The following DSCAM variants were observed in gnomAD, a reference collection of about 807,000 sequenced individuals.
DSCAM encodes the protein cell adhesion molecule DSCAM.
DSCAM carries 47 observed loss-of-function variants against 217.7 expected under a neutral mutation model. The observed-to-expected ratio is 0.22, with a 90% CI of 0.17 to 0.28. The LOEUF is 0.28. Ranked by LOEUF, DSCAM falls within the 10% of genes least tolerant of loss-of-function variation. The pLI, the probability that DSCAM is intolerant of heterozygous loss-of-function variation, is 1.00. For missense variants in DSCAM, 2,080 were observed against 2,618.3 expected (o/e 0.79, Z 4.49); for synonymous variants, 1,056 against 1,015.3 (o/e 1.04, Z -0.76).
At chr21:40,133,723 G>T in intron 19 of DSCAM, 131 bp downstream of exon 19, 1 of 1,055,650 alleles carries the variant, frequency 9.5e-7, no homozygotes, top group Non-Finnish European at 1.3e-6. Context: ...AATTGCACTG[G>T]GATATTTTGG....
At chr21:40,502,102 C>A (rs2076174379) in intron 3 of DSCAM, among the ~76,000 whole-genome samples, 1 of 152,118 alleles carries the variant, frequency 6.6e-6, no homozygotes, top group Non-Finnish European at 1.5e-5. Context: ...TTTTCACTAA[C>A]CTCTAACTGA....
Position 40,347,804 on chromosome 21 carries a change from T to G in DSCAM, c.1076A>C (p.Asn359Thr), listed in dbSNP as rs1385787452. 6.2e-7 allele frequency: 1 copy of G among 1,614,180 alleles called. No homozygotes were observed. The highest frequency in any genetic ancestry group is 1.7e-5 in the Admixed American group (1 of 60,034). ...RNGEILNPGK[N>T]VRITGINHEN... The stretch of plus-strand genomic sequence containing the variant: ...GTGGTTGATCCCTGTGATCCTCACA[T>G]TTTTTCCAGGGTTGAGGATTTCACC... Residue 359 changes from asparagine to threonine, a missense_variant, in exon 6 of 33, where the codon AAT becomes ACT. Asn to Thr is a moderately conservative substitution (Grantham distance 65). Around this residue, in one of 5 missense-constraint regions of DSCAM, gnomAD observed 568 missense variants for 678.1 expected, o/e 0.84. Transcript: ENST00000400454.
chr21:40,235,920 A>G (rs910145725), intron 11 of DSCAM, among the ~76,000 whole-genome samples: 2 of 152,174 alleles, frequency 1.3e-5, no homozygotes, highest in East Asian at 1.9e-4. Flanking sequence ...TAATTTTTCT[A>G]TTATTCAAAA....
intron 3 of DSCAM, among the ~76,000 whole-genome samples, chr21:40,434,163 T>C (rs1225328988): frequency 6.6e-6 from 1 of 152,214 alleles, no homozygotes; most frequent in Non-Finnish European, 1.5e-5. Context: ...TACACACACA[T>C]GATCACGTGG....
At chr21:40,182,904 GTTA>G (rs1209945365) in intron 14 of DSCAM, among the ~76,000 whole-genome samples, 14 of 708 alleles carry the variant, frequency 0.02, 7 homozygotes, top group East Asian at 0.071. Context: ...GACGGGGGGG[GTTA>G]CCAGAGAAAC....
At chr21:40,135,175 T>C (rs406398) in intron 18 of DSCAM, among the ~76,000 whole-genome samples, 49,753 of 152,134 alleles carry the variant, frequency 0.33, 9,315 homozygotes, top group South Asian at 0.5. Context: ...GACACATTGG[T>C]ACCCAGAGCA....
rs58085431 is a variant in DSCAM at position 40,185,574 on chromosome 21, G to T, written c.2779+1557C>A. Among the ~76,000 whole-genome samples the T allele has an allele frequency of 7.4e-3, 1,133 of 152,252 alleles. 14 individuals are homozygous for T. Among genetic ancestry groups the T allele is most frequent in the Middle Eastern group, 0.031 (9 of 294 alleles). ...CAGCCTGCAGCCCCATAGCCAGTGC[G>T]CAGCCAGTGAGATAAAGGGCTGTCC... On this transcript the variant is annotated intron_variant, in intron 14 of 32. Transcript: ENST00000400454.
At chr21:40,233,943 C>T (rs2091404040) in intron 11 of DSCAM, among the ~76,000 whole-genome samples, 3 of 152,154 alleles carry the variant, frequency 2.0e-5, no homozygotes, top group Admixed American at 2.0e-4. Flanking sequence ...CTTCCTGCCT[C>T]GCTTTGGCTG....
At position 40,258,959 on chromosome 21, in the gene DSCAM, C is replaced by T. The variant is rs201696742; in HGVS notation, c.2356+17138G>A. On this transcript the variant is annotated intron_variant, in intron 11 of 32. Coordinates refer to ENST00000400454, the MANE Select transcript of DSCAM (RefSeq NM_001389.5). ...TGTACTCTTGGGGCAAAACTGCTGGCGGGTGTACCCCTTCTGCAGAAAGTA... is the reference window on the plus strand; with the variant it reads ...TGTACTCTTGGGGCAAAACTGCTGGTGGGTGTACCCCTTCTGCAGAAAGTA... Among the ~76,000 whole-genome samples, 36 of 152,248 alleles carry T rather than the reference C, an allele frequency of 2.4e-4. 1 individual carries two copies. In the East Asian group the frequency reaches 6.2e-3, roughly 26 times the overall value.
At chr21:40,108,056 T>C (rs896468160) in intron 20 of DSCAM, among the ~76,000 whole-genome samples, 1 of 152,150 alleles carries the variant, frequency 6.6e-6, no homozygotes, top group Non-Finnish European at 1.5e-5. Flanking sequence ...GCCAACATCA[T>C]ACTGAATGGG....
intron 3 of DSCAM, among the ~76,000 whole-genome samples, chr21:40,378,426 A>C (rs893119608): frequency 6.6e-6 from 1 of 152,194 alleles, no homozygotes; most frequent in African/African-American, 2.4e-5. Flanking sequence ...GTATATTTCA[A>C]GTGTGAGACT....
At chr21:40,215,711 G>A (rs1569004603) in intron 11 of DSCAM, among the ~76,000 whole-genome samples, 1 of 152,042 alleles carries the variant, frequency 6.6e-6, no homozygotes, top group Non-Finnish European at 1.5e-5. Context: ...TACTATTTGG[G>A]TGATGCGTGC....
chr21:40,089,367 C>T (rs974405263), intron 21 of DSCAM, among the ~76,000 whole-genome samples: 2 of 152,180 alleles, frequency 1.3e-5, no homozygotes, highest in Non-Finnish European at 2.9e-5. Context: ...TGACAAGCAT[C>T]CCAGGTGATT....
chr21:40,591,681 G>T (rs968904593), intron 3 of DSCAM, among the ~76,000 whole-genome samples: 1 of 152,120 alleles, frequency 6.6e-6, no homozygotes, highest in African/African-American at 2.4e-5. Flanking sequence ...TAAACTCTAG[G>T]GTTGTTCCCA....
chr21:40,755,446 CA>C (rs1200513244), intron 1 of DSCAM, among the ~76,000 whole-genome samples: 8 of 129,464 alleles, frequency 6.2e-5, no homozygotes, highest in African/African-American at 9.0e-5. Flanking sequence ...GCTCTGTCCC[CA>C]CCTGCTAAAA....
intron 3 of DSCAM, among the ~76,000 whole-genome samples, chr21:40,600,868 T>C (rs572631615): frequency 5.9e-5 from 9 of 152,338 alleles, no homozygotes; most frequent in Admixed American, 5.9e-4. Flanking sequence ...TGTGCATCTG[T>C]TTCTGAGCCC....
chr21:40,376,089 GT>G (rs2074947200), intron 3 of DSCAM, among the ~76,000 whole-genome samples: 2 of 152,226 alleles, frequency 1.3e-5, no homozygotes, highest in South Asian at 4.2e-4. Flanking sequence ...TAGAGCTCTT[GT>G]TGTTGTGTTT....
chr21:40,281,583 T>C (rs1002184504), intron 10 of DSCAM, among the ~76,000 whole-genome samples: 1 of 152,220 alleles, frequency 6.6e-6, no homozygotes. Context: ...TAAACTGCCT[T>C]AAAAATGTAC....
At chr21:40,536,302 G>T (rs1020646669) in intron 3 of DSCAM, among the ~76,000 whole-genome samples, 2 of 151,870 alleles carry the variant, frequency 1.3e-5, no homozygotes, top group Non-Finnish European at 2.9e-5. Flanking sequence ...ATATTTAGAG[G>T]TCAGGTCATT....
Sources: allele counts gnomAD v4.1 joint callset (sites outside exome capture counted in the v4.1 genomes callset), GRCh38; gene constraint gnomAD v4.1.1; regional missense constraint gnomAD v4.1.1; transcripts MANE v1.5; gene names NCBI Gene and HGNC (gene_info 2026-07-23, HGNC 2026-07-21).